Variants in FRMD6 observed in about 807,000 individuals in gnomAD.
FRMD6 encodes the protein FERM domain-containing protein 6.
A neutral mutation model predicts 73.2 loss-of-function variants in FRMD6; 37 were observed. The ratio of observed to expected loss-of-function variants is 0.51; its 90% CI spans 0.39 to 0.66. The LOEUF (loss-of-function observed/expected upper bound fraction) is 0.66, where lower values mean the gene tolerates loss of function less well. Ranked by LOEUF, FRMD6 falls within the 30% of genes least tolerant of loss-of-function variation. The pLI is 0.00. For synonymous variants in FRMD6, 273 were observed against 282.2 expected (o/e 0.97, Z 0.33); for missense variants, 714 against 780.5 (o/e 0.91, Z 1.02).
intron 2 of FRMD6, among the ~76,000 whole-genome samples, chr14:51,590,354 A>G (rs58299915): frequency 0.2 from 30,702 of 151,966 alleles, 5,307 homozygotes; most frequent in African/African-American, 0.47. Flanking sequence ...GTTTTTAAAC[A>G]CCTACCAATA....
chr14:51,708,297 A>G (rs1594766506), intron 7 of FRMD6, 64 bp downstream of exon 7: 1 of 1,434,926 alleles, frequency 7.0e-7, no homozygotes, highest in East Asian at 2.3e-5. Flanking sequence ...AGGATTGAGA[A>G]GGAAAACCGA....
intron 1 of FRMD6, among the ~76,000 whole-genome samples, chr14:51,664,008 G>A (rs753132722): frequency 1.8e-4 from 28 of 152,172 alleles, no homozygotes; most frequent in Non-Finnish European, 1.0e-4. Context: ...CTATTGCATC[G>A]GGGATTAAGT....
chr14:51,490,730 TAGC>T (rs762053105), intron 1 of FRMD6, among the ~76,000 whole-genome samples: 13 of 152,144 alleles, frequency 8.5e-5, no homozygotes, highest in Non-Finnish European at 1.6e-4. Context: ...GCAGTTACCG[TAGC>T]AGAATTCTTA....
At chr14:51,534,477 T>G (rs1039872236) in intron 1 of FRMD6, among the ~76,000 whole-genome samples, 1 of 152,174 alleles carries the variant, frequency 6.6e-6, no homozygotes, top group East Asian at 1.9e-4. Context: ...ATCCTAGAAG[T>G]TTTCCTTTTA....
At chr14:51,710,813 G>A (rs903605860) in intron 7 of FRMD6, among the ~76,000 whole-genome samples, 2 of 152,194 alleles carry the variant, frequency 1.3e-5, no homozygotes, top group Admixed American at 6.5e-5. Flanking sequence ...CTTAAAGGAT[G>A]TGGCTGAATT....
At chr14:51,604,002 G>A (rs1890145185) in intron 2 of FRMD6, among the ~76,000 whole-genome samples, 1 of 151,730 alleles carries the variant, frequency 6.6e-6, no homozygotes, top group South Asian at 2.1e-4. Flanking sequence ...AGAGGAAGGT[G>A]AGGGAGTGAG....
intron 1 of FRMD6, among the ~76,000 whole-genome samples, chr14:51,497,233 AC>A (rs1322094566): frequency 7.0e-6 from 1 of 143,556 alleles, no homozygotes; most frequent in African/African-American, 2.6e-5. Context: ...TTCTGAAATA[AC>A]TTTTTTTTTT....
chr14:51,721,887 T>G, intron 11 of FRMD6, 62 bp from the exon 12 acceptor site: 5 of 1,565,150 alleles, frequency 3.2e-6, no homozygotes, highest in Non-Finnish European at 4.4e-6. Flanking sequence ...AAAATATGGT[T>G]GCATATTATG....
At chr14:51,692,472 A>AT (rs1555337008) in intron 2 of FRMD6, among the ~76,000 whole-genome samples, 1 of 150,500 alleles carries the variant, frequency 6.6e-6, no homozygotes, top group African/African-American at 2.4e-5. Context: ...ACGTGGTGCA[A>AT]TGTGTGTGTG....
At chr14:51,667,682 A>T (rs1893703181) in intron 1 of FRMD6, among the ~76,000 whole-genome samples, 1 of 152,218 alleles carries the variant, frequency 6.6e-6, no homozygotes, top group South Asian at 2.1e-4. Context: ...TGACATGTTT[A>T]AGGGTTTTAC....
At chr14:51,565,779 G>T (rs1033265201) in intron 1 of FRMD6, among the ~76,000 whole-genome samples, 1 of 152,130 alleles carries the variant, frequency 6.6e-6, no homozygotes, top group African/African-American at 2.4e-5. Flanking sequence ...ATGAATTGGG[G>T]CACATTGTGT....
chr14:51,690,330 A>G (rs936317843), intron 2 of FRMD6, among the ~76,000 whole-genome samples: 1 of 152,192 alleles, frequency 6.6e-6, no homozygotes, highest in Non-Finnish European at 1.5e-5. Context: ...TTCGCCATTG[A>G]AAGTAGTATC....
At chr14:51,408,127 C>G in the FRMD6 span, among the ~76,000 whole-genome samples, 397 of 149,214 alleles carry the variant, frequency 2.7e-3, 5 homozygotes, top group Middle Eastern at 3.5e-3. Context: ...ACATTGCTGT[C>G]TTTTATTAGT....
chr14:51,517,238 G>A (rs1421236889), intron 1 of FRMD6, among the ~76,000 whole-genome samples: 4 of 152,098 alleles, frequency 2.6e-5, no homozygotes, highest in African/African-American at 9.7e-5. Context: ...TATAAAAGTT[G>A]ACCAATCCGG....
intron 1 of FRMD6, among the ~76,000 whole-genome samples, chr14:51,494,657 A>T (rs1333036666): frequency 2.0e-5 from 3 of 152,188 alleles, no homozygotes; most frequent in Non-Finnish European, 4.4e-5. Context: ...ATCTAGGGTC[A>T]TGGGGGCAGC....
At chr14:51,538,762 A>G (rs186491818) in intron 1 of FRMD6, among the ~76,000 whole-genome samples, 5 of 152,330 alleles carry the variant, frequency 3.3e-5, no homozygotes, top group Admixed American at 2.0e-4. Context: ...CTGCGTGTCT[A>G]TCTTCACAGC....
intron 1 of FRMD6, among the ~76,000 whole-genome samples, chr14:51,517,404 A>C (rs1884692635): frequency 1.3e-5 from 2 of 152,190 alleles, no homozygotes; most frequent in Non-Finnish European, 1.5e-5. Context: ...TGTCACATAG[A>C]TATAAAAATC....
upstream of FRMD6, among the ~76,000 whole-genome samples, chr14:51,485,038 G>A (rs939695264): frequency 6.6e-6 from 1 of 152,192 alleles, no homozygotes; most frequent in African/African-American, 2.4e-5. Flanking sequence ...TACCCTGCGA[G>A]GTCCTCAGAA....
chr14:51,711,106 A>G (rs1896921060), intron 7 of FRMD6, among the ~76,000 whole-genome samples: 1 of 152,302 alleles, frequency 6.6e-6, no homozygotes, highest in Admixed American at 6.5e-5. Flanking sequence ...GCATCTCAGA[A>G]TATAACTATT....
Sources: gnomAD v4.1 joint callset for allele counts (sites outside exome capture counted in the v4.1 genomes callset) on GRCh38, gnomAD v4.1.1 for gene constraint, MANE v1.5 for transcripts, NCBI Gene and HGNC (gene_info 2026-07-23, HGNC 2026-07-21) for gene names.